PCGF5: variants seen among roughly 807,000 people sequenced by gnomAD.
The protein encoded by PCGF5 is polycomb group ring finger 5.
PCGF5 carries 9 observed loss-of-function variants against 44.3 expected under a neutral mutation model. The observed-to-expected ratio is 0.20, with a 90% CI of 0.12 to 0.35. The LOEUF (loss-of-function observed/expected upper bound fraction) is 0.35, where lower values mean the gene tolerates loss of function less well. Ranked by LOEUF, PCGF5 falls within the 10% of genes least tolerant of loss-of-function variation. The probability of loss-of-function intolerance (pLI) is 1.00; values close to 1 mark genes in which losing one functional copy is unlikely to be tolerated. For missense variants in PCGF5, 146 were observed against 305.3 expected (o/e 0.48, Z 3.89); for synonymous variants, 95 against 102.5 (o/e 0.93, Z 0.44).
intron 1 of PCGF5, among the ~76,000 whole-genome samples, chr10:91,188,764 A>AG (rs1288505835): frequency 6.6e-6 from 1 of 152,152 alleles, no homozygotes; most frequent in East Asian, 1.9e-4. Context: ...CTGAGAAAAA[A>AG]GTCCAGATCT....
intron 1 of PCGF5, among the ~76,000 whole-genome samples, chr10:91,208,952 G>T (rs1263806229): frequency 6.6e-6 from 1 of 152,212 alleles, no homozygotes; most frequent in South Asian, 2.1e-4. Flanking sequence ...CTCTACAGGA[G>T]TGTGAGCTTT....
intron 8 of PCGF5, among the ~76,000 whole-genome samples, chr10:91,268,829 A>T (rs538137075): frequency 6.6e-6 from 1 of 151,934 alleles, no homozygotes; most frequent in East Asian, 1.9e-4. Flanking sequence ...CCCTCTCTAG[A>T]CCCTTGTCTC....
At position 91,278,775 on chromosome 10, in the gene PCGF5, A is replaced by C. The variant is rs1314432812; in HGVS notation, c.*459A>C. 6.5e-6 allele frequency: 1 copy of C among 154,214 alleles called. No individual in the cohort carries two copies. The highest frequency in any genetic ancestry group is 1.4e-5 in the Non-Finnish European group (1 of 69,090). 9.6% of individuals were successfully genotyped at this position (154,214 alleles called of 1,614,324 possible). A position where few individuals can be genotyped will look rare whatever the true frequency, so the allele number is the denominator to read the frequency against. On this transcript the variant is annotated 3_prime_UTR_variant, in exon 10 of 10. Transcript: ENST00000336126. ...TCTTGAAATTATTTTGTATGGAAGT[A>C]TATTTAGAAAAGTGGTTTTTGAGCC...
chr10:91,206,154 A>G (rs1844344789), intron 1 of PCGF5, among the ~76,000 whole-genome samples: 1 of 152,322 alleles, frequency 6.6e-6, no homozygotes, highest in Non-Finnish European at 1.5e-5. Context: ...GAGAACTACT[A>G]TGTGCCAAAG....
At chr10:91,223,242 G>A in intron 2 of PCGF5, among the ~76,000 whole-genome samples, 1 of 151,816 alleles carries the variant, frequency 6.6e-6, no homozygotes, top group East Asian at 1.9e-4. Context: ...TATCAGTTAT[G>A]GTTTTTTTAA....
At chr10:91,274,454 A>G (rs1047218617) in intron 9 of PCGF5, among the ~76,000 whole-genome samples, 4 of 152,218 alleles carry the variant, frequency 2.6e-5, no homozygotes, top group African/African-American at 9.6e-5. Flanking sequence ...TAAAGAGGGT[A>G]TTTCAAATTA....
intron 1 of PCGF5, among the ~76,000 whole-genome samples, chr10:91,221,133 G>A (rs1057233749): frequency 6.6e-6 from 1 of 152,094 alleles, no homozygotes; most frequent in Non-Finnish European, 1.5e-5. Context: ...GGGCGCGGCT[G>A]TGCTGGGACC....
chr10:91,248,454 C>A, intron 3 of PCGF5, 51 bp from the exon 4 acceptor site: 1 of 1,470,982 alleles, frequency 6.8e-7, no homozygotes, highest in South Asian at 1.2e-5. Context: ...ATTTACATGT[C>A]AGATCTTGGT....
chr10:91,246,607 GT>G (rs1845464950), intron 3 of PCGF5, among the ~76,000 whole-genome samples: 1 of 152,100 alleles, frequency 6.6e-6, no homozygotes, highest in Admixed American at 6.6e-5. Context: ...AAGCAGAATG[GT>G]AATTAATTGA....
At chr10:91,156,224 G>A in the PCGF5 span, among the ~76,000 whole-genome samples, 5 of 152,150 alleles carry the variant, frequency 3.3e-5, no homozygotes, top group African/African-American at 1.2e-4. Context: ...GGTATGGTGT[G>A]CCACATACAA....
intron 1 of PCGF5, among the ~76,000 whole-genome samples, chr10:91,168,790 T>C (rs1843548481): frequency 6.6e-6 from 1 of 151,638 alleles, no homozygotes; most frequent in Non-Finnish European, 1.5e-5. Context: ...TAGCCGAGTG[T>C]GGTGGTGTGT....
intron 5 of PCGF5, among the ~76,000 whole-genome samples, chr10:91,250,490 GT>G (rs1845596421): frequency 7.7e-6 from 1 of 129,484 alleles, no homozygotes; most frequent in African/African-American, 3.2e-5. Context: ...TATTTGTCTG[GT>G]TTTTTCTTTT....
intron 7 of PCGF5, among the ~76,000 whole-genome samples, chr10:91,262,150 C>T (rs1589405484): frequency 6.6e-6 from 1 of 152,142 alleles, no homozygotes; most frequent in South Asian, 2.1e-4. Flanking sequence ...CCAGGCCAGG[C>T]GTGGTGGCTT....
In PCGF5 at chr10:91,243,896, A is replaced by G. The variant is rs185852369; in HGVS notation, c.209+3316A>G. Among the ~76,000 whole-genome samples the G allele has an allele frequency of 5.1e-3, 780 of 152,288 alleles. 5 individuals are homozygous for G. The highest frequency in any genetic ancestry group is 5.1e-3 in the Non-Finnish European group (348 of 68,032). On this transcript the variant is annotated intron_variant, in intron 3 of 9. Coordinates refer to ENST00000336126, the MANE Select transcript of PCGF5 (RefSeq NM_032373.5). ...CATATTTGACTCACATTATATTTCT[A>G]TTGGTCATCACTTATATAGACAATA...
intron 6 of PCGF5, among the ~76,000 whole-genome samples, chr10:91,252,500 C>T (rs533914941): frequency 6.6e-6 from 1 of 152,088 alleles, no homozygotes; most frequent in African/African-American, 2.4e-5. Context: ...ATCTTTCACT[C>T]AAGGAACTTG....
chr10:91,177,560 C>T (rs186393462), intron 1 of PCGF5, among the ~76,000 whole-genome samples: 2,764 of 152,292 alleles, frequency 0.018, 38 homozygotes, highest in Non-Finnish European at 0.031. Context: ...CCACCCAGTT[C>T]GAGCTTCCTG....
Position 91,261,319 on chromosome 10 carries a change from C to A in PCGF5, c.475-7C>A. 6.7e-7 allele frequency: 1 copy of A among 1,492,514 alleles called. No individual in the cohort carries two copies. The highest frequency in any genetic ancestry group is 9.0e-7 in the Non-Finnish European group (1 of 1,109,488). 92.5% of individuals were successfully genotyped at this position (1,492,514 alleles called of 1,614,324 possible). On this transcript the variant is annotated splice_polypyrimidine_tract_variant and splice_region_variant and intron_variant, in intron 6 of 9. Transcript: ENST00000336126. The stretch of plus-strand genomic sequence containing the variant: ...ACATTTTAACTGGTAATCTTTATTT[C>A]CTTTAGGGTTTAATGAAGAAATTCA...
intron 1 of PCGF5, among the ~76,000 whole-genome samples, chr10:91,214,473 A>G (rs529545587): frequency 6.5e-4 from 99 of 152,274 alleles, no homozygotes; most frequent in Non-Finnish European, 1.2e-3. Flanking sequence ...AAGGGACTAT[A>G]CTTAGCTACC....
chr10:91,249,434 A>C (rs1845566979), intron 5 of PCGF5, among the ~76,000 whole-genome samples: 1 of 145,366 alleles, frequency 6.9e-6, no homozygotes, highest in Admixed American at 6.9e-5. Context: ...TAAAATCTAC[A>C]CAAAGGGATA....
Sources: gnomAD v4.1 joint callset for allele counts (sites outside exome capture counted in the v4.1 genomes callset) on GRCh38, gnomAD v4.1.1 for gene constraint, MANE v1.5 for transcripts, NCBI Gene and HGNC (gene_info 2026-07-23, HGNC 2026-07-21) for gene names.